HMCN2: variants seen among roughly 807,000 people sequenced by gnomAD.
The protein encoded by HMCN2 is hemicentin-2.
Under a neutral mutation model 377.5 loss-of-function variants are expected in HMCN2, and 325 were observed. The ratio of observed to expected loss-of-function variants is 0.86; its 90% CI spans 0.79 to 0.94. The LOEUF (loss-of-function observed/expected upper bound fraction) is 0.94, where lower values mean the gene tolerates loss of function less well. Ranked by LOEUF, HMCN2 falls within the 40% of genes least tolerant of loss-of-function variation. The pLI is 0.00. For missense variants in HMCN2, 4,543 were observed against 4,725.3 expected, an observed-to-expected ratio of 0.96 and a Z score of 1.13; for synonymous variants, 2,007 against 2,046.8, an observed-to-expected ratio of 0.98 and a Z score of 0.53.
chr9:130,351,434 C>G lies in HMCN2; in HGVS notation c.4442C>G (p.Pro1481Arg). The change falls in exon 30 of 98, where the codon CCG (proline) becomes CGG (arginine). Residue 1481 changes from proline (P) to arginine (R), a missense_variant. Pro to Arg is a moderately radical substitution (Grantham distance 103). Coordinates refer to ENST00000683500, the MANE Select transcript of HMCN2 (RefSeq NM_001291815.2). This position sits in a 1 kb window ranked among gnomAD's most constrained non-coding sequence, Gnocchi z 5.4. ...EWTKDRQPVL[P>R]GGPHLQVQED... ...GCCCGTCTCTCCAGGCCTGTCCTTC[C>G]GGGAGGCCCTCACCTGCAGGTCCAG... The G allele has an allele frequency of 7.7e-7, 1 of 1,304,028 alleles. No homozygotes were observed. Among genetic ancestry groups the G allele is most frequent in the Non-Finnish European group, 1.0e-6 (1 of 988,810 alleles). 80.8% of individuals were successfully genotyped at this position (1,304,028 alleles called of 1,614,324 possible). A position where few individuals can be genotyped will look rare whatever the true frequency, so the allele number is the denominator to read the frequency against.
Position 130,365,879 on chromosome 9 carries a change from C to T in HMCN2, c.6509C>T (p.Ala2170Val), listed in dbSNP as rs1840665097. ...EKHYNLNVWV[A>V]PVFPLRESHT... Reference sequence around the variant, plus strand: ...CTCTCTCTCTGCTCTGACTCAGTTGCTCCAGTGTTCCCCTTGAGGGAATCC... The same window carrying T: ...CTCTCTCTCTGCTCTGACTCAGTTGTTCCAGTGTTCCCCTTGAGGGAATCC... Residue 2170 changes from alanine to valine, a missense_variant, in exon 43 of 98, where the codon GCT becomes GTT. Around this residue, in one of 5 missense-constraint regions of HMCN2, gnomAD observed 1,032 missense variants for 1,285.1 expected, o/e 0.80. Transcript: ENST00000683500. The T allele has an allele frequency of 1.0e-6, 1 of 985,800 alleles. No homozygotes were observed. The highest frequency in any genetic ancestry group is 1.2e-6 in the Non-Finnish European group (1 of 829,888). 61.1% of individuals were successfully genotyped at this position (985,800 alleles called of 1,614,324 possible). A position where few individuals can be genotyped will look rare whatever the true frequency, so the allele number is the denominator to read the frequency against.
At chr9:130,377,088 C>A (rs1170495391) in intron 52 of HMCN2, among the ~76,000 whole-genome samples, 2 of 151,858 alleles carry the variant, frequency 1.3e-5, no homozygotes, top group African/African-American at 4.8e-5. Context: ...CATGAGCCAC[C>A]GCACCCAGCC....
intron 1 of HMCN2, among the ~76,000 whole-genome samples, chr9:130,274,755 A>G (rs1588153491): frequency 6.6e-6 from 1 of 152,212 alleles, no homozygotes; most frequent in Non-Finnish European, 1.5e-5. Flanking sequence ...GCATTTTACA[A>G]CTTGCTTTCT....
At chr9:130,321,621 A>C (rs1837856558) in intron 18 of HMCN2, among the ~76,000 whole-genome samples, 166 bp from the exon 19 acceptor site, 1 of 152,020 alleles carries the variant, frequency 6.6e-6, no homozygotes, top group African/African-American at 2.4e-5. Flanking sequence ...TTGACTGGGC[A>C]CTCGGGAAGG....
Position 130,327,362 on chromosome 9 carries a change from A to T in HMCN2, c.3246A>T (p.Gln1082His), listed in dbSNP as rs1360122623. Residue 1082 changes from glutamine to histidine, a missense_variant, in exon 22 of 98, where the codon CAA becomes CAT. This residue lies in a region of HMCN2 where 547 missense variants were observed against 189.9 expected (regional missense o/e 2.88). Transcript: ENST00000683500. Reference sequence around the variant, plus strand: ...CACGTAATGCAGATGTGCCTCTGCAAGTCACAGCGAAGGCTGGCGAAGAGG... The same window carrying T: ...CACGTAATGCAGATGTGCCTCTGCATGTCACAGCGAAGGCTGGCGAAGAGG... ...NGSRNADVPL[Q>H]VTAKAGEEVT... 1 of 152,298 alleles carries T rather than the reference A, an allele frequency of 6.6e-6. No individual in the cohort carries two copies. The highest frequency in any genetic ancestry group is 1.5e-5 in the Non-Finnish European group (1 of 68,108). 9.4% of individuals were successfully genotyped at this position (152,298 alleles called of 1,614,324 possible).
In HMCN2 at chr9:130,265,918, G is replaced by A; in HGVS notation, c.40G>A (p.Val14Ile). 2.6e-6 allele frequency: 1 copy of A among 384,048 alleles called. No homozygotes were observed. The highest frequency in any genetic ancestry group is 3.1e-5 in the Admixed American group (1 of 32,672). The allele number at this position is 384,048 out of a possible 1,614,324, so 23.8% of individuals were successfully genotyped here. The stretch of plus-strand genomic sequence containing the variant: ...GCCGCTCCTGCGGCTGCTGACCGCG[G>A]TCTCTGCGGCAGTGGCAGTGGCAGT... ...GAPLLRLLTAVSAAVAVAVAG... is the reference protein window; with the variant it reads ...GAPLLRLLTAISAAVAVAVAG... Residue 14 changes from valine to isoleucine, a missense_variant, in exon 1 of 98, where the codon GTC (valine) becomes ATC (isoleucine). Around this residue, in one of 5 missense-constraint regions of HMCN2, gnomAD observed 547 missense variants for 189.9 expected, o/e 2.88. Transcript: ENST00000683500.
At chr9:130,396,877 G>A (rs985601705) in intron 73 of HMCN2, among the ~76,000 whole-genome samples, 2 of 152,202 alleles carry the variant, frequency 1.3e-5, no homozygotes, top group African/African-American at 4.8e-5. Flanking sequence ...GGAAGAGCAG[G>A]GTGCTGCGCC....
At chr9:130,358,581 GA>G (rs1840180227) in intron 36 of HMCN2, 95 bp downstream of exon 36, 1 of 1,188,654 alleles carries the variant, frequency 8.4e-7, no homozygotes, top group South Asian at 1.3e-5. Context: ...GGAGGGGGAG[GA>G]GGTTTTTCAG....
At chr9:130,298,950 G>A (rs1836319027) in intron 7 of HMCN2, 75 bp from the exon 8 acceptor site, 3 of 407,298 alleles carry the variant, frequency 7.4e-6, no homozygotes, top group Non-Finnish European at 1.0e-5. Context: ...GGTGTGGTTC[G>A]AGGGCCCCTA....
At chr9:130,417,537 AC>A (rs386419600) in intron 85 of HMCN2, among the ~76,000 whole-genome samples, 17,568 of 62,478 alleles carry the variant, frequency 0.28, 2,267 homozygotes, top group East Asian at 0.53. Flanking sequence ...AAAAAAAAAA[AC>A]AAAAAAAAAC....
intron 59 of HMCN2, 108 bp downstream of exon 59, chr9:130,384,906 G>A: frequency 1.4e-6 from 1 of 697,150 alleles, no homozygotes; most frequent in Non-Finnish European, 2.2e-6. Flanking sequence ...AGGCACAGGG[G>A]GAGGCTGGGA....
At chr9:130,333,580 C>T (rs1039806931) in intron 22 of HMCN2, among the ~76,000 whole-genome samples, 33 of 152,334 alleles carry the variant, frequency 2.2e-4, no homozygotes, top group Admixed American at 9.1e-4. Context: ...TGGCCGTGCA[C>T]GTCGCGATGA....
In HMCN2 at chr9:130,296,768, A is replaced by G. The variant is rs782506094; in HGVS notation, c.986A>G (p.Asn329Ser). Residue 329 changes from asparagine to serine, a missense_variant, in exon 7 of 98, where the codon AAC (asparagine) becomes AGC (serine). Around this residue, in one of 5 missense-constraint regions of HMCN2, gnomAD observed 547 missense variants for 189.9 expected, o/e 2.88. Coordinates refer to ENST00000683500, the MANE Select transcript of HMCN2 (RefSeq NM_001291815.2). ...GFSTQPLLDL[N>S]HTLEWPLQGV... ...TCCACTCAGCCCTTGCTGGACCTCA[A>G]CCACACCCTCGAGTGGCCCTTGCAA... 16 of 470,816 alleles carry G rather than the reference A, an allele frequency of 3.4e-5. No homozygotes were observed. The highest frequency in any genetic ancestry group is 2.2e-4 in the South Asian group (14 of 64,554). The allele number at this position is 470,816 out of a possible 1,614,324, so 29.2% of individuals were successfully genotyped here. A position where few individuals can be genotyped will look rare whatever the true frequency, so the allele number is the denominator to read the frequency against.
chr9:130,344,583 TTGTA>T (rs1458206007), intron 25 of HMCN2, among the ~76,000 whole-genome samples: 2 of 146,100 alleles, frequency 1.4e-5, no homozygotes, highest in Non-Finnish European at 3.0e-5. Context: ...TATGTAGTGT[TTGTA>T]TGTTGTGTGT....
At chr9:130,392,928 G>A (rs866201080) in intron 66 of HMCN2, among the ~76,000 whole-genome samples, 3 of 151,890 alleles carry the variant, frequency 2.0e-5, no homozygotes, top group Non-Finnish European at 4.4e-5. Context: ...CCCGGGAGGC[G>A]GAGCTTGCAG....
chr9:130,378,691 TG>T (rs535260269), intron 53 of HMCN2, among the ~76,000 whole-genome samples: 266 of 152,256 alleles, frequency 1.7e-3, no homozygotes, highest in South Asian at 4.8e-3. Flanking sequence ...TGGAGTGTCC[TG>T]GCAGGAGGAA....
chr9:130,409,676 A>T (rs1270575123), intron 84 of HMCN2, among the ~76,000 whole-genome samples: 1 of 152,232 alleles, frequency 6.6e-6, no homozygotes, highest in East Asian at 1.9e-4. Context: ...TGTGATGCTT[A>T]TAAGATCCTA....
At chr9:130,401,855 T>G (rs1041072987) in intron 77 of HMCN2, among the ~76,000 whole-genome samples, 1 of 151,926 alleles carries the variant, frequency 6.6e-6, no homozygotes, top group Non-Finnish European at 1.5e-5. Flanking sequence ...AGGAGGATTG[T>G]TTGAAGCCAG....
Position 130,433,598 on chromosome 9 carries a change from C to G in HMCN2, c.15145C>G (p.Arg5049Gly). Residue 5049 changes from arginine (R) to glycine (G), a missense_variant, in exon 98 of 98, where the codon CGC (arginine) becomes GGC (glycine). By Grantham distance (125) the Arg-to-Gly change is moderately radical. Around this residue, in one of 5 missense-constraint regions of HMCN2, gnomAD observed 1,155 missense variants for 1,157.7 expected, o/e 1.00. Transcript: ENST00000683500. ...GAVYTRRALT[R>G]AGLYRLTVRA... ...GGTCTACACCCGTCGCGCGCTCACC[C>G]GCGCCGGCCTCTACCGGCTCACCGT... The G allele has an allele frequency of 1.3e-6, 2 of 1,512,832 alleles. No homozygotes were observed. Among genetic ancestry groups the G allele is most frequent in the Non-Finnish European group, 1.8e-6 (2 of 1,132,390 alleles). 93.7% of individuals were successfully genotyped at this position (1,512,832 alleles called of 1,614,324 possible).
Sources: allele counts gnomAD v4.1 joint callset (sites outside exome capture counted in the v4.1 genomes callset), GRCh38; gene constraint gnomAD v4.1.1; regional missense constraint gnomAD v4.1.1; non-coding constraint Gnocchi (gnomAD v3.1); transcripts MANE v1.5; gene names NCBI Gene and HGNC (gene_info 2026-07-23, HGNC 2026-07-21).